The following GRAMD2A variants were observed in gnomAD, a reference collection of about 807,000 sequenced individuals.
GRAMD2A encodes the protein GRAM domain containing 2A, also known as GRAM domain-containing protein 2A.
In GRAMD2A, 37 loss-of-function variants were observed where a neutral mutation model predicts 51.1. That is an observed-to-expected ratio of 0.72 (90% CI 0.56 to 0.95). The LOEUF (loss-of-function observed/expected upper bound fraction) is 0.95. GRAMD2A is among the 40% of genes least tolerant of loss of function. GRAMD2A has a pLI of 0.00. For synonymous variants in GRAMD2A, 136 were observed against 157.1 expected (o/e 0.87, Z 1.01); for missense variants, 414 against 426.9 (o/e 0.97, Z 0.27).
At chr15:72,194,273 T>C (rs2081789615) in intron 1 of GRAMD2A, among the ~76,000 whole-genome samples, 1 of 152,230 alleles carries the variant, frequency 6.6e-6, no homozygotes, top group South Asian at 2.1e-4. Context: ...CAGAGTGGAA[T>C]GCTACACCGT....
rs1365940541 is a variant in GRAMD2A, at chr15:72,169,005, G to C, written c.135-9C>G. The C allele has an allele frequency of 1.2e-6, 2 of 1,613,682 alleles. No individual in the cohort carries two copies. The highest frequency in any genetic ancestry group is 2.7e-5 in the African/African-American group (2 of 74,936). On this transcript the variant is annotated splice_polypyrimidine_tract_variant and intron_variant, in intron 2 of 11. Transcript: ENST00000309731. ...CTTCTGGCCAGTGCAGACTGCAAAGGAGACATTCCATTTCGGGAACAAGGA... is the reference window on the plus strand; with the variant it reads ...CTTCTGGCCAGTGCAGACTGCAAAGCAGACATTCCATTTCGGGAACAAGGA...
intron 8 of GRAMD2A, among the ~76,000 whole-genome samples, chr15:72,164,600 T>C (rs2081520021): frequency 6.6e-6 from 1 of 152,100 alleles, no homozygotes; most frequent in Non-Finnish European, 1.5e-5. Flanking sequence ...AGACAGGGTC[T>C]CACTATGTTG....
At chr15:72,162,421 A>G in intron 10 of GRAMD2A, 44 bp from the exon 11 acceptor site, 1 of 1,450,668 alleles carries the variant, frequency 6.9e-7, no homozygotes, top group Non-Finnish European at 9.6e-7. Context: ...CTTCCACAGA[A>G]AGAGCATTTC....
At position 72,170,514 on chromosome 15, in the gene GRAMD2A, C is replaced by A; in HGVS notation, c.42-575G>T. 1 of 432,854 alleles carries A rather than the reference C, an allele frequency of 2.3e-6. No homozygotes were observed. Among genetic ancestry groups the A allele is most frequent in the South Asian group, 1.6e-5 (1 of 61,184 alleles). The allele number at this position is 432,854 out of a possible 1,614,324, so 26.8% of individuals were successfully genotyped here. On this transcript the variant is annotated intron_variant, in intron 1 of 11. Transcript: ENST00000309731. The surrounding 1 kb of genome is among the most constrained non-coding windows in gnomAD (Gnocchi z 4.5). ...TTATACCAGGAAGTGGCCTCAGCCA[C>A]CTTGGACAGTCAGGACAGCTTGATG... is the stretch of plus-strand genomic sequence containing the variant.
At chr15:72,182,394 T>C (rs539611848) in intron 1 of GRAMD2A, among the ~76,000 whole-genome samples, 2 of 147,750 alleles carry the variant, frequency 1.4e-5, no homozygotes, top group South Asian at 4.2e-4. Flanking sequence ...AACCCAAAAT[T>C]TGCTAAAACT....
At chr15:72,167,137 C>T (rs776781932) in intron 5 of GRAMD2A, 45 bp from the exon 6 acceptor site, 28 of 1,451,988 alleles carry the variant, frequency 1.9e-5, no homozygotes, top group South Asian at 1.4e-4. Flanking sequence ...CCCCCAAGGA[C>T]GTGGTCCCTT....
chr15:72,167,587 G>T, intron 5 of GRAMD2A, 149 bp downstream of exon 5: 2 of 668,678 alleles, frequency 3.0e-6, no homozygotes, highest in Non-Finnish European at 2.6e-6. Context: ...ACACTGGATG[G>T]GATGCCTCGA....
intron 11 of GRAMD2A, 91 bp downstream of exon 11, chr15:72,162,182 A>T: frequency 7.4e-7 from 1 of 1,353,248 alleles, no homozygotes. Context: ...TCAAAACAGG[A>T]CCAAGTCCAG....
intron 1 of GRAMD2A, among the ~76,000 whole-genome samples, chr15:72,187,220 T>TA (rs978786230): frequency 3.5e-4 from 53 of 150,970 alleles, no homozygotes; most frequent in African/African-American, 9.2e-4. Flanking sequence ...ATCTATAACA[T>TA]AAAAAAACTA....
At chr15:72,169,583 C>A in intron 2 of GRAMD2A, 1 of 661,292 alleles carries the variant, frequency 1.5e-6, no homozygotes, top group Non-Finnish European at 2.8e-6. Context: ...AAAGGTAAAC[C>A]TTTGCCTTGG....
chr15:72,168,674 C>A, intron 3 of GRAMD2A, 108 bp from the exon 4 acceptor site: 1 of 952,346 alleles, frequency 1.1e-6, no homozygotes. Flanking sequence ...ATGCTGGGGA[C>A]TTAGCATGAG....
intron 1 of GRAMD2A, among the ~76,000 whole-genome samples, chr15:72,171,869 G>A (rs1486398559): frequency 9.6e-5 from 14 of 146,570 alleles, no homozygotes; most frequent in Non-Finnish European, 1.3e-4. Context: ...TCTCTCTGTC[G>A]CCCAGGCTGG....
intron 1 of GRAMD2A, among the ~76,000 whole-genome samples, chr15:72,192,780 G>A (rs1038372465): frequency 6.6e-6 from 1 of 152,202 alleles, no homozygotes; most frequent in African/African-American, 2.4e-5. Context: ...AATTAACAAT[G>A]TAATTACAAA....
At chr15:72,171,431 AAT>A (rs1369354400) in intron 1 of GRAMD2A, among the ~76,000 whole-genome samples, 18 of 152,166 alleles carry the variant, frequency 1.2e-4, no homozygotes, top group Admixed American at 5.2e-4. Flanking sequence ...TATAATCTAT[AAT>A]TTGTATACCC....
At position 72,167,763 on chromosome 15, in the gene GRAMD2A, A is replaced by T; in HGVS notation, c.345T>A (p.His115Gln). Reference protein sequence around the residue: ...LYISPNWLCFHASLFGKDIKV... With the variant: ...LYISPNWLCFQASLFGKDIKV... ...TGATATCCTTGCCAAAGAGGCTGGC[A>T]TGGAAGCAGAGCCAGTTGGGGGAGA... is the stretch of plus-strand genomic sequence containing the variant. The change falls in exon 5 of 12, where the codon CAT (histidine) becomes CAA (glutamine). Residue 115 changes from histidine (H) to glutamine (Q), a missense_variant. Transcript: ENST00000309731. 6.2e-7 allele frequency: 1 copy of T among 1,614,050 alleles called. No homozygotes were observed. Among genetic ancestry groups the T allele is most frequent in the Non-Finnish European group, 8.5e-7 (1 of 1,179,906 alleles).
intron 1 of GRAMD2A, among the ~76,000 whole-genome samples, chr15:72,191,493 G>T (rs375898975): frequency 6.6e-6 from 1 of 152,040 alleles, no homozygotes; most frequent in South Asian, 2.1e-4. Context: ...AGGACCCACC[G>T]TGCCCAGCTG....
intron 8 of GRAMD2A, 89 bp downstream of exon 8, chr15:72,165,265 G>T: frequency 8.5e-7 from 1 of 1,181,218 alleles, no homozygotes; most frequent in Non-Finnish European, 1.3e-6. Context: ...CCCCAGTTCT[G>T]CATTGTGGGC....
rs1274530433 is a variant in GRAMD2A at position 72,163,681 on chromosome 15, G to A, written c.677C>T (p.Pro226Leu). 6.2e-7 allele frequency: 1 copy of A among 1,609,366 alleles called. No individual in the cohort carries two copies. The highest frequency in any genetic ancestry group is 1.3e-5 in the African/African-American group (1 of 74,692). The change falls in exon 9 of 12, where the codon CCT (proline) becomes CTT (leucine). Residue 226 changes from proline (P) to leucine (L), a missense_variant. Pro to Leu is a moderately conservative substitution (Grantham distance 98). Transcript: ENST00000309731. ...SRSLSLPDNI[P>L]CIPPSSVDST... ...GTCCACGGATGATGGAGGGATACAA[G>A]GGATGTTGTCTGGGAGAGACAGGGA...
intron 1 of GRAMD2A, chr15:72,173,933 T>TTA (rs1555434904): frequency 1.5e-5 from 1 of 66,704 alleles, no homozygotes; most frequent in Non-Finnish European, 2.5e-5. Context: ...AAATTCTGTC[T>TTA]AAAAAAAAAA....
Sources: allele counts gnomAD v4.1 joint callset (sites outside exome capture counted in the v4.1 genomes callset), GRCh38; gene constraint gnomAD v4.1.1; non-coding constraint Gnocchi (gnomAD v3.1); transcripts MANE v1.5; gene names NCBI Gene and HGNC (gene_info 2026-07-23, HGNC 2026-07-21).